Variants in KCTD16 observed in about 807,000 individuals in gnomAD.
KCTD16 encodes the protein potassium channel tetramerization domain containing 16, also known as BTB/POZ domain-containing protein KCTD16.
KCTD16 carries 13 observed loss-of-function variants against 33.2 expected under a neutral mutation model. The ratio of observed to expected loss-of-function variants is 0.39; its 90% CI spans 0.25 to 0.62. The LOEUF is 0.62. Ranked by LOEUF, KCTD16 falls within the 20% of genes least tolerant of loss-of-function variation. The pLI is 0.50. For missense variants in KCTD16, 441 were observed against 525.1 expected (o/e 0.84, Z 1.57); for synonymous variants, 197 against 195.3 (o/e 1.01, Z -0.07).
At chr5:144,340,777 C>T (rs577874474) in intron 3 of KCTD16, among the ~76,000 whole-genome samples, 222 of 152,044 alleles carry the variant, frequency 1.5e-3, no homozygotes, top group Non-Finnish European at 2.5e-3. Context: ...GCACCAGGTG[C>T]GGTGGCTCAT....
Position 144,172,586 on chromosome 5 carries a change from ATTTATTGG to A in KCTD16, c.-493+1582_-493+1589del, listed in dbSNP as rs1215022903. 7.2e-5 allele frequency among the ~76,000 whole-genome samples: 11 copies of A among 152,324 alleles called. No individual in the cohort carries two copies. The South Asian group carries it at 2.3e-3, about 32-fold the overall frequency. Reference sequence around the variant, plus strand: ...ACCACCTTTCATCAATCATTTTAGCATTTATTGGTTTAGGTATCATCTGCACAACTTCA... The same window carrying A: ...ACCACCTTTCATCAATCATTTTAGCATTTAGGTATCATCTGCACAACTTCA... On this transcript the variant is annotated intron_variant, in intron 1 of 3. Coordinates refer to ENST00000512467, the MANE Select transcript of KCTD16 (RefSeq NM_020768.4).
chr5:144,427,472 C>G (rs1753357588), intron 3 of KCTD16, among the ~76,000 whole-genome samples: 1 of 152,098 alleles, frequency 6.6e-6, no homozygotes, highest in Non-Finnish European at 1.5e-5. Context: ...CCCAAACTCT[C>G]CTCAAATGGT....
chr5:144,311,996 T>C (rs1046147500), intron 3 of KCTD16, among the ~76,000 whole-genome samples: 1 of 152,186 alleles, frequency 6.6e-6, no homozygotes, highest in African/African-American at 2.4e-5. Flanking sequence ...CTCTGAACAT[T>C]GTTAAAGCCA....
chr5:144,271,592 G>C (rs1035573664), intron 3 of KCTD16, among the ~76,000 whole-genome samples: 4 of 152,018 alleles, frequency 2.6e-5, no homozygotes, highest in African/African-American at 9.7e-5. Context: ...GCAGGAACAA[G>C]GCAAGAATAC....
At chr5:144,250,700 C>A (rs1754674022) in intron 3 of KCTD16, among the ~76,000 whole-genome samples, 1 of 152,134 alleles carries the variant, frequency 6.6e-6, no homozygotes. Flanking sequence ...TGTGACTCTA[C>A]CACTTATTAG....
At chr5:144,441,117 TG>T (rs1310103838) in intron 3 of KCTD16, among the ~76,000 whole-genome samples, 28 of 152,314 alleles carry the variant, frequency 1.8e-4, no homozygotes, top group African/African-American at 6.0e-4. Flanking sequence ...GGGTTATCTA[TG>T]TTTTTTTATT....
chr5:144,340,594 G>A (rs1048441753), intron 3 of KCTD16, among the ~76,000 whole-genome samples: 1 of 152,046 alleles, frequency 6.6e-6, no homozygotes, highest in Non-Finnish European at 1.5e-5. Context: ...TAATATGATA[G>A]TATTAGGAGG....
At chr5:144,340,016 G>A (rs761595166) in intron 3 of KCTD16, among the ~76,000 whole-genome samples, 25 of 152,162 alleles carry the variant, frequency 1.6e-4, no homozygotes, top group Non-Finnish European at 3.1e-4. Flanking sequence ...TTAAATAAGG[G>A]GGAAAGGGAG....
chr5:144,470,429 T>A (rs1323922827), intron 3 of KCTD16, among the ~76,000 whole-genome samples: 1 of 152,196 alleles, frequency 6.6e-6, no homozygotes, highest in Non-Finnish European at 1.5e-5. Flanking sequence ...CAACAACCCT[T>A]CATGTAGGAC....
At chr5:144,180,741 C>T (rs541763826) in intron 2 of KCTD16, among the ~76,000 whole-genome samples, 10 of 152,058 alleles carry the variant, frequency 6.6e-5, no homozygotes, top group South Asian at 2.1e-4. Context: ...TCATGTGGTA[C>T]GGGCTTCCTC....
chr5:144,312,179 T>C (rs1251662039), intron 3 of KCTD16, among the ~76,000 whole-genome samples: 1 of 152,166 alleles, frequency 6.6e-6, no homozygotes, highest in Non-Finnish European at 1.5e-5. Flanking sequence ...AGGAAATACA[T>C]TTGACTTGGG....
At chr5:144,418,267 G>T (rs772853039) in intron 3 of KCTD16, among the ~76,000 whole-genome samples, 1 of 152,230 alleles carries the variant, frequency 6.6e-6, no homozygotes, top group East Asian at 1.9e-4. Context: ...AGCGTGGAAG[G>T]AGACCGAGTG....
At chr5:144,405,721 C>A (rs1269930979) in intron 3 of KCTD16, among the ~76,000 whole-genome samples, 1 of 152,114 alleles carries the variant, frequency 6.6e-6, no homozygotes, top group Non-Finnish European at 1.5e-5. Context: ...CCTGATGATG[C>A]TGGTTTGGTT....
intron 3 of KCTD16, among the ~76,000 whole-genome samples, chr5:144,222,521 G>T (rs999548805): frequency 6.6e-6 from 1 of 152,058 alleles, no homozygotes; most frequent in Non-Finnish European, 1.5e-5. Flanking sequence ...CATTTATGCC[G>T]CCAACAGACA....
At chr5:144,180,481 C>G (rs112445419) in intron 2 of KCTD16, among the ~76,000 whole-genome samples, 35 of 152,224 alleles carry the variant, frequency 2.3e-4, no homozygotes, top group African/African-American at 8.4e-4. Context: ...TCCAAGAAGA[C>G]AAAAGAACAA....
At chr5:144,182,669 C>T (rs986697466) in intron 2 of KCTD16, among the ~76,000 whole-genome samples, 8 of 152,038 alleles carry the variant, frequency 5.3e-5, no homozygotes, top group South Asian at 2.1e-4. Context: ...TGCTTGAGCC[C>T]GGGAGATTGA....
At chr5:144,244,520 T>C in intron 3 of KCTD16, among the ~76,000 whole-genome samples, 1 of 152,200 alleles carries the variant, frequency 6.6e-6, no homozygotes, top group Admixed American at 6.5e-5. Context: ...TCCACAGAAT[T>C]GGACTAACTG....
intron 3 of KCTD16, among the ~76,000 whole-genome samples, chr5:144,312,909 T>C (rs1347045899): frequency 2.0e-5 from 3 of 152,220 alleles, no homozygotes; most frequent in Non-Finnish European, 2.9e-5. Context: ...AGCTGTCACA[T>C]AAATGTCTCC....
chr5:144,397,373 G>T (rs1422775740), intron 3 of KCTD16, among the ~76,000 whole-genome samples: 1 of 151,926 alleles, frequency 6.6e-6, no homozygotes, highest in Non-Finnish European at 1.5e-5. Context: ...GAGTAGTGCC[G>T]CAATAAACAT....
Sources: allele counts gnomAD v4.1 joint callset (sites outside exome capture counted in the v4.1 genomes callset), GRCh38; gene constraint gnomAD v4.1.1; transcripts MANE v1.5; gene names NCBI Gene and HGNC (gene_info 2026-07-23, HGNC 2026-07-21).